DECR2: variants seen among roughly 807,000 people sequenced by gnomAD.
DECR2 encodes 2,4-dienoyl-CoA reductase 2, also known as peroxisomal 2,4-dienoyl-CoA reductase [(3E)-enoyl-CoA-producing].
In DECR2, 34 loss-of-function variants were observed where a neutral mutation model predicts 29.2. The ratio of observed to expected loss-of-function variants is 1.16; its 90% confidence interval spans 0.89 to 1.55. DECR2 has a LOEUF of 1.55. Among genes scored for constraint, DECR2 ranks in the 40% most tolerant of loss-of-function variants. The pLI is 0.00. For missense variants in DECR2, 485 were observed against 425.3 expected (o/e 1.14, Z -1.23); for synonymous variants, 224 against 182.7 (o/e 1.23, Z -1.82).
rs769864244 is a variant in DECR2 at position 406,384 on chromosome 16, C to T, written c.188C>T (p.Pro63Leu). 92 of 1,607,784 alleles carry T rather than the reference C, an allele frequency of 5.7e-5. 1 individual carries two copies. In the East Asian group the frequency reaches 8.7e-4, roughly 15 times the overall value. Residue 63 changes from proline (P) to leucine (L), a missense_variant, in exon 3 of 9, where the codon CCG (proline) becomes CTG (leucine). Pro to Leu is a moderately conservative substitution (Grantham distance 98). Transcript: ENST00000219481. Reference sequence around the variant, plus strand: ...ACGGTGATTGCCAGTAGGAGCCTGCCGCGAGTGCTGACGGTGAGAGGGCCT... The same window carrying T: ...ACGGTGATTGCCAGTAGGAGCCTGCTGCGAGTGCTGACGGTGAGAGGGCCT... ...CHTVIASRSLPRVLTAARKLA... is the reference protein window; with the variant it reads ...CHTVIASRSLLRVLTAARKLA...
At chr16:406,272 G>C in intron 2 of DECR2, 74 bp from the exon 3 acceptor site, 1 of 1,489,658 alleles carries the variant, frequency 6.7e-7, no homozygotes, top group Non-Finnish European at 9.1e-7. Context: ...AGAGACTCCT[G>C]CTCAGGAGCT....
chr16:402,039 C>A lies in DECR2; in HGVS notation c.76C>A (p.Leu26Met). The A allele has an allele frequency of 6.9e-7, 1 of 1,439,392 alleles. No homozygotes were observed. The highest frequency in any genetic ancestry group is 9.1e-7 in the Non-Finnish European group (1 of 1,097,492). The allele number at this position is 1,439,392 out of a possible 1,614,324, so 89.2% of individuals were successfully genotyped here. A position where few individuals can be genotyped will look rare whatever the true frequency, so the allele number is the denominator to read the frequency against. ...CCGCCACCTCTTCTGCCCGGACCTGCTGCGGTGAGCGGGGCCTGGGAAGCG... is the reference window on the plus strand; with the variant it reads ...CCGCCACCTCTTCTGCCCGGACCTGATGCGGTGAGCGGGGCCTGGGAAGCG... ...AYRHLFCPDL[L>M]RDKVAFITGG... The change falls in exon 1 of 9, where the codon CTG (leucine) becomes ATG (methionine). Residue 26 changes from leucine (L) to methionine (M), a missense_variant. By Grantham distance (15) the Leu-to-Met change is conservative. Transcript: ENST00000219481.
chr16:407,903 GCCTCTGTCTCCGGCCCCATCTCCGGC>G (rs1356114400), intron 4 of DECR2, among the ~76,000 whole-genome samples: 75 of 137,340 alleles, frequency 5.5e-4, no homozygotes, highest in Non-Finnish European at 8.7e-4. Flanking sequence ...CTGTCTCCGG[GCCTCTGTCTCCGGCCCCATCTCCGGC>G]CCCCTGTCTC....
rs942707966 is a variant in DECR2 at position 410,331 on chromosome 16, C to G, written c.426C>G (p.Phe142Leu). 6.2e-7 allele frequency: 1 copy of G among 1,612,990 alleles called. No homozygotes were observed. The highest frequency in any genetic ancestry group is 8.5e-7 in the Non-Finnish European group (1 of 1,179,534). Reference sequence around the variant, plus strand: ...TGGACATCGATACCAGCGGCACCTTCAATGTGTCTCGTGTGCTCTATGAGA... The same window carrying G: ...TGGACATCGATACCAGCGGCACCTTGAATGTGTCTCGTGTGCTCTATGAGA... ...TVMDIDTSGTFNVSRVLYEKF... is the reference protein window; with the variant it reads ...TVMDIDTSGTLNVSRVLYEKF... The change falls in exon 5 of 9, where the codon TTC becomes TTG. Residue 142 changes from phenylalanine to leucine, a missense_variant. Coordinates refer to ENST00000219481, the MANE Select transcript of DECR2 (RefSeq NM_020664.4). The surrounding 1 kb of genome is among the most constrained non-coding windows in gnomAD (Gnocchi z 4.1).
chr16:407,362 CA>C, intron 3 of DECR2, 62 bp from the exon 4 acceptor site: 6 of 1,538,074 alleles, frequency 3.9e-6, no homozygotes, highest in Non-Finnish European at 5.2e-6. Flanking sequence ...CTGCAGATTC[CA>C]AAGGCCTTTT....
chr16:401,918 G>A lies in DECR2; in HGVS notation c.-46G>A, dbSNP rs1003896667. ...AGCTGCGCGCCGGGTCCTGGAGGCCGAGGCCGCTCCCGCCCGTTGTCCCCG... is the reference window on the plus strand; with the variant it reads ...AGCTGCGCGCCGGGTCCTGGAGGCCAAGGCCGCTCCCGCCCGTTGTCCCCG... On this transcript the variant is annotated 5_prime_UTR_variant, in exon 1 of 9. Transcript: ENST00000219481. 2.7e-6 allele frequency: 4 copies of A among 1,463,744 alleles called. No homozygotes were observed. The highest frequency in any genetic ancestry group is 1.5e-5 in the African/African-American group (1 of 67,982). The allele number at this position is 1,463,744 out of a possible 1,614,324, so 90.7% of individuals were successfully genotyped here.
chr16:406,509 T>G, intron 3 of DECR2, 112 bp downstream of exon 3: 8 of 1,143,390 alleles, frequency 7.0e-6, no homozygotes, highest in African/African-American at 3.1e-5. Flanking sequence ...AAAACTTTTT[T>G]TTTCTGAGAC....
chr16:408,522 C>CTT (rs770893268), intron 4 of DECR2, among the ~76,000 whole-genome samples: 71 of 143,084 alleles, frequency 5.0e-4, no homozygotes, highest in African/African-American at 1.7e-3. Flanking sequence ...AAGTAATAGC[C>CTT]TTTTTTTTTT....
chr16:410,642 C>G lies in DECR2; in HGVS notation c.463-49C>G. 6.5e-7 allele frequency: 1 copy of G among 1,529,448 alleles called. No individual in the cohort carries two copies. The highest frequency in any genetic ancestry group is 8.9e-7 in the Non-Finnish European group (1 of 1,125,884). The allele number at this position is 1,529,448 out of a possible 1,614,324, so 94.7% of individuals were successfully genotyped here. ...CAGCCACCCGCTCACTGTCCTGTGA[C>G]CTCCCCCGACACCCGCCCGCTCACT... is the stretch of plus-strand genomic sequence containing the variant. On this transcript the variant is annotated intron_variant, in intron 5 of 8. Coordinates refer to ENST00000219481, the MANE Select transcript of DECR2 (RefSeq NM_020664.4). The surrounding 1 kb of genome is among the most constrained non-coding windows in gnomAD (Gnocchi z 4.1).
At chr16:411,679 G>A (rs1183113499) in intron 8 of DECR2, 101 bp downstream of exon 8, 27 of 1,332,632 alleles carry the variant, frequency 2.0e-5, no homozygotes, top group Non-Finnish European at 2.8e-5. Flanking sequence ...CGTCTCCTTT[G>A]TCCCCATCCT....
rs565878000 is a variant in DECR2 at position 410,417 on chromosome 16, T to C, written c.462+50T>C. ...GAAGTTCTTCCGGGTGGGTGCCTCG[T>C]GCGCTCTGTGAGAAGTTCTTCCGGG... is the stretch of plus-strand genomic sequence containing the variant. On this transcript the variant is annotated intron_variant, in intron 5 of 8. Coordinates refer to ENST00000219481, the MANE Select transcript of DECR2 (RefSeq NM_020664.4). The surrounding 1 kb of genome is among the most constrained non-coding windows in gnomAD (Gnocchi z 4.1). 6.3e-7 allele frequency: 1 copy of C among 1,587,504 alleles called. No homozygotes were observed. Among genetic ancestry groups the C allele is most frequent in the Non-Finnish European group, 8.6e-7 (1 of 1,163,582 alleles).
chr16:405,267 C>T (rs2054711711), intron 2 of DECR2: 2 of 601,876 alleles, frequency 3.3e-6, no homozygotes, highest in Non-Finnish European at 2.9e-6. Context: ...CCTGCTGGGA[C>T]CTCGAGAGTC....
At chr16:403,851 C>G (rs2141803862) in intron 1 of DECR2, among the ~76,000 whole-genome samples, 1 of 152,268 alleles carries the variant, frequency 6.6e-6, no homozygotes, top group South Asian at 2.1e-4. Context: ...GCACTCCAAC[C>G]TGGATGACGT....
intron 1 of DECR2, chr16:402,994 G>C: frequency 1.0e-6 from 1 of 982,296 alleles, no homozygotes; most frequent in Non-Finnish European, 1.2e-6. Context: ...AAGAAAACAA[G>C]TTTTAAATTA....
At chr16:406,171 A>G (rs1338359625) in intron 2 of DECR2, among the ~76,000 whole-genome samples, 175 bp from the exon 3 acceptor site, 1 of 152,210 alleles carries the variant, frequency 6.6e-6, no homozygotes, top group African/African-American at 2.4e-5. Flanking sequence ...GGTGGGCACC[A>G]CCTGAGGTCC....
Position 402,910 on chromosome 16 carries a change from G to C in DECR2, c.80+867G>C, listed in dbSNP as rs960438654. 7.8e-6 allele frequency: 3 copies of C among 382,664 alleles called. No homozygotes were observed. The South Asian group carries it at 3.2e-4, about 41-fold the overall frequency. 23.7% of individuals were successfully genotyped at this position (382,664 alleles called of 1,614,324 possible). The stretch of plus-strand genomic sequence containing the variant: ...TGAGGCAGGAGAATCACTTGAACTC[G>C]GGAGGTGGAGGTTGCAGTGAGCCGA... On this transcript the variant is annotated intron_variant, in intron 1 of 8. Coordinates refer to ENST00000219481, the MANE Select transcript of DECR2 (RefSeq NM_020664.4).
chr16:407,971 C>CCCCCTGCTCCGGG (rs2054753040), intron 4 of DECR2, among the ~76,000 whole-genome samples: 1 of 75,964 alleles, frequency 1.3e-5, no homozygotes, highest in African/African-American at 7.6e-5. Flanking sequence ...CTGTCTCCGG[C>CCCCCTGCTCCGGG]CCCCTGTCTC....
At chr16:411,860 G>A in intron 8 of DECR2, 30 bp from the exon 9 acceptor site, 1 of 430,068 alleles carries the variant, frequency 2.3e-6, no homozygotes, top group Non-Finnish European at 4.1e-6. Flanking sequence ...GCCGTCCTCA[G>A]CCGGCTACTA....
intron 1 of DECR2, among the ~76,000 whole-genome samples, chr16:403,207 GGT>G (rs934096090): frequency 0.019 from 1 of 52 alleles, no homozygotes; most frequent in Non-Finnish European, 0.031. Context: ...TTCTAGTAGA[GGT>G]GAGTGTCACC....
Sources: allele counts gnomAD v4.1 joint callset (sites outside exome capture counted in the v4.1 genomes callset), GRCh38; gene constraint gnomAD v4.1.1; non-coding constraint Gnocchi (gnomAD v3.1); transcripts MANE v1.5; gene names NCBI Gene and HGNC (gene_info 2026-07-23, HGNC 2026-07-21).